The following CABLES1 variants were observed in gnomAD, a reference collection of about 807,000 sequenced individuals.
CABLES1 encodes the protein Cdk5 and Abl enzyme substrate 1.
A neutral mutation model predicts 57.8 loss-of-function variants in CABLES1; 36 were observed. The observed-to-expected ratio is 0.62, with a 90% CI of 0.48 to 0.82. The LOEUF (loss-of-function observed/expected upper bound fraction) is 0.82. Among genes scored for constraint, CABLES1 ranks in the 40% least tolerant of loss-of-function variants. CABLES1 has a pLI of 0.00. For synonymous variants in CABLES1, 374 were observed against 363.0 expected (o/e 1.03, Z -0.35); for missense variants, 767 against 836.6 (o/e 0.92, Z 1.03).
chr18:23,160,862 C>T (rs1424590958), intron 1 of CABLES1, among the ~76,000 whole-genome samples: 1 of 151,916 alleles, frequency 6.6e-6, no homozygotes, highest in East Asian at 1.9e-4. Flanking sequence ...AGTGAAAGCC[C>T]GTCTCTACTA....
In CABLES1 at chr18:23,136,333, T is replaced by A. The variant is rs757924651; in HGVS notation, c.571T>A (p.Cys191Ser). The change falls in exon 1 of 10, where the codon TGT (cysteine) becomes AGT (serine). Residue 191 changes from cysteine to serine, a missense_variant. Physicochemically the swap from Cys to Ser is moderately radical, Grantham distance 112 (BLOSUM62 -1). Transcript: ENST00000256925. ...GCCCCGGCCGGCGCCTCTCGCCGCC[T>A]GTGCCCAACTGCAGCTGCTCGACGG... ...QPPRPAPLAACAQLQLLDGSG... is the reference protein window; with the variant it reads ...QPPRPAPLAASAQLQLLDGSG... The A allele has an allele frequency of 1.6e-5, 23 of 1,427,108 alleles. No individual in the cohort carries two copies. 88.4% of individuals were successfully genotyped at this position (1,427,108 alleles called of 1,614,324 possible).
chr18:23,194,649 T>G, intron 3 of CABLES1, 109 bp downstream of exon 3: 1 of 708,970 alleles, frequency 1.4e-6, no homozygotes, highest in South Asian at 1.7e-5. Context: ...CCCACACTTT[T>G]AAGATGAGCA....
chr18:23,175,402 C>T (rs117595606), intron 1 of CABLES1, among the ~76,000 whole-genome samples: 7,608 of 152,262 alleles, frequency 0.05, 225 homozygotes, highest in Middle Eastern at 0.16. Flanking sequence ...TCATTTTTGA[C>T]CTCATTCCTG....
At chr18:23,143,470 G>A (rs539314108) in intron 1 of CABLES1, among the ~76,000 whole-genome samples, 4 of 152,340 alleles carry the variant, frequency 2.6e-5, no homozygotes, top group Admixed American at 2.6e-4. Context: ...CCTCCGCCCT[G>A]GGCGGGTTTC....
intron 7 of CABLES1, among the ~76,000 whole-genome samples, chr18:23,244,967 C>T (rs979941888): frequency 1.1e-4 from 16 of 152,214 alleles, no homozygotes; most frequent in Non-Finnish European, 2.2e-4. Context: ...CGCCCTAGAG[C>T]GGAAGTACCT....
chr18:23,184,468 C>T (rs973893479), intron 1 of CABLES1, among the ~76,000 whole-genome samples: 3 of 152,092 alleles, frequency 2.0e-5, no homozygotes, highest in South Asian at 2.1e-4. Context: ...TTTGGGAGGC[C>T]GAGGCAGGCG....
intron 1 of CABLES1, among the ~76,000 whole-genome samples, chr18:23,173,350 A>G (rs540651675): frequency 6.6e-6 from 1 of 152,320 alleles, no homozygotes; most frequent in South Asian, 2.1e-4. Flanking sequence ...CTGAAATGAC[A>G]GTGTCTGGTC....
intron 1 of CABLES1, 60 bp downstream of exon 1, chr18:23,136,667 C>T (rs113759905): frequency 5.3e-6 from 6 of 1,133,166 alleles, no homozygotes; most frequent in Non-Finnish European, 7.0e-6. Flanking sequence ...CTCCCAGCCT[C>T]CCCGCGGTCT....
At chr18:23,171,781 C>T (rs994524521) in intron 1 of CABLES1, among the ~76,000 whole-genome samples, 7 of 152,184 alleles carry the variant, frequency 4.6e-5, no homozygotes, top group Admixed American at 3.9e-4. Context: ...CTCTGCTTCC[C>T]CGTGACCCCA....
At chr18:23,194,378 CTT>C in intron 2 of CABLES1, 68 bp from the exon 3 acceptor site, 2 of 951,984 alleles carry the variant, frequency 2.1e-6, no homozygotes, top group South Asian at 2.7e-5. Flanking sequence ...TCCTTCCTGT[CTT>C]TATGTGGAGA....
At chr18:23,251,305 G>T (rs188807267) in intron 7 of CABLES1, among the ~76,000 whole-genome samples, 3 of 152,298 alleles carry the variant, frequency 2.0e-5, no homozygotes, top group African/African-American at 7.2e-5. Context: ...ACAAAAATTA[G>T]CTGGGCAAGG....
intron 1 of CABLES1, among the ~76,000 whole-genome samples, chr18:23,151,867 G>A (rs1329014748): frequency 6.6e-6 from 1 of 152,208 alleles, no homozygotes; most frequent in Non-Finnish European, 1.5e-5. Flanking sequence ...AAACGAGAGT[G>A]CTGATGCTGT....
intron 3 of CABLES1, chr18:23,204,539 G>A (rs1381958483): frequency 1.3e-5 from 2 of 152,172 alleles, no homozygotes; most frequent in Non-Finnish European, 1.5e-5. Flanking sequence ...TTCCCTTGGC[G>A]GTTGTATTCA....
intron 4 of CABLES1, among the ~76,000 whole-genome samples, chr18:23,223,979 A>G (rs1392606057): frequency 6.6e-6 from 1 of 151,966 alleles, no homozygotes; most frequent in Non-Finnish European, 1.5e-5. Context: ...CTAATTCATT[A>G]AAGGGTATGT....
intron 7 of CABLES1, among the ~76,000 whole-genome samples, chr18:23,243,879 A>C (rs1598861662): frequency 6.6e-6 from 1 of 152,098 alleles, no homozygotes; most frequent in South Asian, 2.1e-4. Context: ...TTTCAAAAAA[A>C]AAAAAAAAAA....
In CABLES1 at chr18:23,206,867, G is replaced by T. The variant is rs1246456941; in HGVS notation, c.1011-7110G>T. 2.7e-5 allele frequency among the ~76,000 whole-genome samples: 4 copies of T among 147,040 alleles called. No individual in the cohort carries two copies. The South Asian group carries it at 6.4e-4, about 24-fold the overall frequency. On this transcript the variant is annotated intron_variant, in intron 3 of 9. Transcript: ENST00000256925. ...TCTTGCTCTGTCACCCAGGAATACA[G>T]TGGCACAATCATAGCCCACTGCAGC...
At chr18:23,183,637 T>C (rs569335735) in intron 1 of CABLES1, among the ~76,000 whole-genome samples, 3 of 152,326 alleles carry the variant, frequency 2.0e-5, no homozygotes, top group African/African-American at 7.2e-5. Context: ...AGACTAGACA[T>C]ACACACTTCC....
At chr18:23,211,068 G>A (rs901556965) in intron 3 of CABLES1, among the ~76,000 whole-genome samples, 3 of 151,532 alleles carry the variant, frequency 2.0e-5, no homozygotes, top group African/African-American at 4.8e-5. Flanking sequence ...ATAGTGGTGC[G>A]GACCACCCAG....
At chr18:23,201,229 G>A (rs1292611535) in intron 3 of CABLES1, among the ~76,000 whole-genome samples, 1 of 152,228 alleles carries the variant, frequency 6.6e-6, no homozygotes, top group Admixed American at 6.5e-5. Flanking sequence ...TTGGCATTTA[G>A]GACAGTGTGT....
Sources: allele counts gnomAD v4.1 joint callset (sites outside exome capture counted in the v4.1 genomes callset), GRCh38; gene constraint gnomAD v4.1.1; transcripts MANE v1.5; gene names NCBI Gene and HGNC (gene_info 2026-07-23, HGNC 2026-07-21).